Variants in EYS observed in about 807,000 individuals in gnomAD.
The protein encoded by EYS is protein eyes shut homolog.
EYS carries 250 observed loss-of-function variants against 282.1 expected under a neutral mutation model. That is an observed-to-expected ratio of 0.89 (90% CI 0.80 to 0.98). The LOEUF (loss-of-function observed/expected upper bound fraction) is 0.98, where lower values mean the gene tolerates loss of function less well. EYS is among the 50% of genes least tolerant of loss of function. EYS has a pLI of 0.00. For missense variants in EYS, 4,016 were observed against 3,709.0 expected, an observed-to-expected ratio of 1.08 and a Z score of -2.15; for synonymous variants, 1,355 against 1,282.9, an observed-to-expected ratio of 1.06 and a Z score of -1.20.
intron 28 of EYS, among the ~76,000 whole-genome samples, chr6:64,424,415 A>G (rs1309659468): frequency 6.6e-6 from 1 of 152,226 alleles, no homozygotes; most frequent in African/African-American, 2.4e-5. Context: ...TATTGTGAGC[A>G]TGCAAATAAT....
At chr6:64,579,932 C>T (rs1766006085) in intron 26 of EYS, among the ~76,000 whole-genome samples, 1 of 152,042 alleles carries the variant, frequency 6.6e-6, no homozygotes, top group South Asian at 2.1e-4. Flanking sequence ...CAAAGTCACT[C>T]TTAGCCATCA....
At chr6:65,018,807 C>T (rs1488476522) in intron 13 of EYS, among the ~76,000 whole-genome samples, 1 of 151,668 alleles carries the variant, frequency 6.6e-6, no homozygotes, top group African/African-American at 2.4e-5. Flanking sequence ...ATATGCATAC[C>T]CTGTGTGCAT....
At chr6:63,721,913 C>G (rs1343469260) in intron 42 of EYS, 116 bp from the exon 43 acceptor site, 1 of 895,862 alleles carries the variant, frequency 1.1e-6, no homozygotes, top group East Asian at 2.6e-5. Flanking sequence ...AGTAACAGAT[C>G]TTGAGCACAA....
intron 31 of EYS, among the ~76,000 whole-genome samples, chr6:64,195,671 A>T (rs1251042562): frequency 6.6e-6 from 1 of 152,090 alleles, no homozygotes; most frequent in African/African-American, 2.4e-5. Context: ...ATGTTTCTTT[A>T]TGTGTATGTT....
At chr6:64,627,048 T>C (rs1767632507) in intron 22 of EYS, among the ~76,000 whole-genome samples, 1 of 152,212 alleles carries the variant, frequency 6.6e-6, no homozygotes, top group Non-Finnish European at 1.5e-5. Flanking sequence ...CATTTAGATG[T>C]CAGCTGTTAA....
At chr6:65,369,444 C>T (rs1171033110) in intron 8 of EYS, among the ~76,000 whole-genome samples, 1 of 150,368 alleles carries the variant, frequency 6.7e-6, no homozygotes, top group Non-Finnish European at 1.5e-5. Context: ...AACTGTCAGA[C>T]GCAATGCCCA....
intron 31 of EYS, among the ~76,000 whole-genome samples, chr6:64,195,915 C>T (rs1350287670): frequency 2.0e-5 from 3 of 152,094 alleles, no homozygotes; most frequent in Non-Finnish European, 2.9e-5. Context: ...AACTAAAGAG[C>T]TTCTGCACAG....
chr6:64,161,391 G>A (rs1775101639), intron 31 of EYS, among the ~76,000 whole-genome samples: 1 of 152,150 alleles, frequency 6.6e-6, no homozygotes, highest in South Asian at 2.1e-4. Context: ...CCCATCAGTA[G>A]GAAGCTGCTG....
chr6:63,832,818 T>G (rs542546242), intron 36 of EYS, among the ~76,000 whole-genome samples: 23 of 152,244 alleles, frequency 1.5e-4, no homozygotes, highest in South Asian at 1.5e-3. Context: ...AAATCCTCAA[T>G]AAAATACTGG....
chr6:65,700,104 G>A (rs1769612143), intron 1 of EYS, among the ~76,000 whole-genome samples: 1 of 86,322 alleles, frequency 1.2e-5, no homozygotes, highest in Admixed American at 1.8e-4. Flanking sequence ...GACAGAGCGA[G>A]ACTCCGTCTC....
intron 36 of EYS, among the ~76,000 whole-genome samples, chr6:63,858,548 G>A (rs1772452204): frequency 6.6e-6 from 1 of 152,132 alleles, no homozygotes; most frequent in Admixed American, 6.5e-5. Context: ...AGTTCTTATG[G>A]AATAAAAAGT....
Position 64,306,930 on chromosome 6 carries a change from T to A in EYS, c.6191+40A>T. On this transcript the variant is annotated intron_variant, in intron 30 of 42. Transcript: ENST00000503581. ...GAAATGATATCTTTTGGTGTGGTTA[T>A]TTGAACAAGTTATTAGAAAAATCAC... 3.2e-6 allele frequency: 3 copies of A among 923,800 alleles called. No individual in the cohort carries two copies. In the South Asian group the frequency reaches 4.3e-5, roughly 13 times the overall value. 57.2% of individuals were successfully genotyped at this position (923,800 alleles called of 1,614,324 possible). A position where few individuals can be genotyped will look rare whatever the true frequency, so the allele number is the denominator to read the frequency against.
intron 28 of EYS, among the ~76,000 whole-genome samples, chr6:64,402,906 T>A (rs1773582874): frequency 6.6e-6 from 1 of 152,216 alleles, no homozygotes; most frequent in Admixed American, 6.5e-5. Context: ...GAACTTCAGA[T>A]CTTTCCACTG....
intron 2 of EYS, among the ~76,000 whole-genome samples, chr6:65,502,250 T>A (rs987860861): frequency 6.6e-6 from 1 of 151,732 alleles, no homozygotes; most frequent in East Asian, 1.9e-4. Flanking sequence ...AAACAAAACA[T>A]ACTCTTACCA....
chr6:64,895,357 T>C (rs1767425391), intron 18 of EYS, among the ~76,000 whole-genome samples: 1 of 152,178 alleles, frequency 6.6e-6, no homozygotes, highest in South Asian at 2.1e-4. Flanking sequence ...CAGAATGTCT[T>C]TTTAAAGATA....
At chr6:64,509,060 C>A (rs1777304079) in intron 26 of EYS, among the ~76,000 whole-genome samples, 1 of 151,838 alleles carries the variant, frequency 6.6e-6, no homozygotes, top group African/African-American at 2.4e-5. Flanking sequence ...GAGGATGGAA[C>A]TTTTTGTTCA....
chr6:65,267,396 AG>A (rs1767786267), intron 12 of EYS, among the ~76,000 whole-genome samples: 1 of 151,890 alleles, frequency 6.6e-6, no homozygotes, highest in Non-Finnish European at 1.5e-5. Flanking sequence ...AATCGATCAT[AG>A]TCTGCCTCAA....
chr6:64,780,673 TAAAATAATCCTGCAATGAAAGGCAA>T (rs1773831584), intron 22 of EYS, among the ~76,000 whole-genome samples: 1 of 152,084 alleles, frequency 6.6e-6, no homozygotes. Flanking sequence ...ATAATAATAA[TAAAATAATCCTGCAATGAAAGGCAA>T]AAAATAAATT....
At chr6:65,208,716 C>T (rs1176823579) in intron 12 of EYS, among the ~76,000 whole-genome samples, 1 of 151,252 alleles carries the variant, frequency 6.6e-6, no homozygotes, top group African/African-American at 2.4e-5. Flanking sequence ...ATCAGTACCA[C>T]ACCTTCTCAC....
Sources: allele counts gnomAD v4.1 joint callset (sites outside exome capture counted in the v4.1 genomes callset), GRCh38; gene constraint gnomAD v4.1.1; transcripts MANE v1.5; gene names NCBI Gene and HGNC (gene_info 2026-07-23, HGNC 2026-07-21).